PTPRM: variants seen among roughly 807,000 people sequenced by gnomAD.
The protein encoded by PTPRM is receptor-type tyrosine-protein phosphatase mu.
Under a neutral mutation model 186.7 loss-of-function variants are expected in PTPRM, and 47 were observed. The observed-to-expected ratio is 0.25, with a 90% CI of 0.20 to 0.32. The LOEUF is 0.32. Ranked by LOEUF, PTPRM falls within the 10% of genes least tolerant of loss-of-function variation. PTPRM has a pLI of 1.00. For synonymous variants in PTPRM, 668 were observed against 674.9 expected (o/e 0.99, Z 0.16); for missense variants, 1,494 against 1,865.0 (o/e 0.80, Z 3.66).
intron 1 of PTPRM, among the ~76,000 whole-genome samples, chr18:7,737,370 C>T (rs1231533863): frequency 6.6e-6 from 1 of 152,226 alleles, no homozygotes; most frequent in Non-Finnish European, 1.5e-5. Context: ...GCTGGGATTA[C>T]AGGCATGAGC....
chr18:7,972,478 T>TAAAAAAAAAAAAAAAAAGA (rs1491072208), intron 7 of PTPRM, among the ~76,000 whole-genome samples: 1 of 8,132 alleles, frequency 1.2e-4, no homozygotes, highest in African/African-American at 3.3e-4. Context: ...AAAAAAAACA[T>TAAAAAAAAAAAAAAAAAGA]TAAAAAAAAA....
At chr18:7,697,233 G>A (rs530612325) in intron 1 of PTPRM, among the ~76,000 whole-genome samples, 14 of 152,316 alleles carry the variant, frequency 9.2e-5, no homozygotes, top group Middle Eastern at 6.8e-3. Context: ...GCTCGATGAA[G>A]CAGTTTGCTG....
At chr18:7,705,085 A>C in intron 1 of PTPRM, among the ~76,000 whole-genome samples, 1 of 152,126 alleles carries the variant, frequency 6.6e-6, no homozygotes, top group East Asian at 1.9e-4. Flanking sequence ...GGGTGAAATA[A>C]ATTGTTAAAT....
intron 14 of PTPRM, among the ~76,000 whole-genome samples, chr18:8,238,786 A>G (rs2094381170): frequency 6.9e-6 from 1 of 145,974 alleles, no homozygotes; most frequent in Non-Finnish European, 1.5e-5. Context: ...CTGTAGTCAT[A>G]TGATTAGGTC....
chr18:8,072,295 A>C (rs2089530438), intron 8 of PTPRM, among the ~76,000 whole-genome samples: 1 of 152,204 alleles, frequency 6.6e-6, no homozygotes, highest in Non-Finnish European at 1.5e-5. Flanking sequence ...GCATGAACCT[A>C]TTGAACACTA....
At chr18:7,943,260 T>C (rs2146978919) in intron 5 of PTPRM, among the ~76,000 whole-genome samples, 1 of 152,264 alleles carries the variant, frequency 6.6e-6, no homozygotes, top group African/African-American at 2.4e-5. Flanking sequence ...TTCTGTTTTG[T>C]TATCCCACTG....
rs777723980 is a variant in PTPRM at position 8,113,629 on chromosome 18, C to T, written c.2000C>T (p.Ala667Val). Residue 667 changes from alanine (A) to valine (V), a missense_variant, in exon 12 of 33, where the codon GCA becomes GTA. This residue lies in a region of PTPRM where 1,107 missense variants were observed against 1,350.2 expected (regional missense o/e 0.82). Coordinates refer to ENST00000580170, the MANE Select transcript of PTPRM (RefSeq NM_001105244.2). ...SQYYFAAEFPADSLQAAQPFT... is the reference protein window; with the variant it reads ...SQYYFAAEFPVDSLQAAQPFT... Reference sequence around the variant, plus strand: ...TACTACTTTGCTGCAGAATTTCCTGCAGACAGCCTCCAAGCTGCGCAGCCT... The same window carrying T: ...TACTACTTTGCTGCAGAATTTCCTGTAGACAGCCTCCAAGCTGCGCAGCCT... The T allele has an allele frequency of 6.2e-7, 1 of 1,614,158 alleles. No homozygotes were observed. The highest frequency in any genetic ancestry group is 1.1e-5 in the South Asian group (1 of 91,084).
intron 7 of PTPRM, among the ~76,000 whole-genome samples, chr18:8,041,619 T>A (rs1354655828): frequency 6.6e-6 from 1 of 152,198 alleles, no homozygotes; most frequent in African/African-American, 2.4e-5. Flanking sequence ...TATGATTAAG[T>A]CCACTTGTGG....
At chr18:8,022,114 T>C (rs945491139) in intron 7 of PTPRM, among the ~76,000 whole-genome samples, 3 of 152,178 alleles carry the variant, frequency 2.0e-5, no homozygotes, top group African/African-American at 7.2e-5. Context: ...AAGCCTATCT[T>C]AAGCCAGTTC....
chr18:8,360,407 C>G (rs1449734927), intron 23 of PTPRM, among the ~76,000 whole-genome samples: 1 of 152,230 alleles, frequency 6.6e-6, no homozygotes, highest in East Asian at 1.9e-4. Flanking sequence ...CAAAAAAAAC[C>G]CTTCATACCC....
At chr18:8,129,722 A>G (rs1253642163) in intron 13 of PTPRM, among the ~76,000 whole-genome samples, 1 of 152,232 alleles carries the variant, frequency 6.6e-6, no homozygotes, top group Non-Finnish European at 1.5e-5. Context: ...AGATCCATTC[A>G]GAATGGAAAG....
At chr18:8,217,892 G>T (rs1438228040) in intron 14 of PTPRM, among the ~76,000 whole-genome samples, 3 of 151,900 alleles carry the variant, frequency 2.0e-5, no homozygotes, top group Non-Finnish European at 4.4e-5. Context: ...CATTAACATG[G>T]TATCAGGGAT....
chr18:8,209,558 A>G (rs1472951450), intron 14 of PTPRM, among the ~76,000 whole-genome samples: 1 of 152,138 alleles, frequency 6.6e-6, no homozygotes, highest in Non-Finnish European at 1.5e-5. Flanking sequence ...AATGTCTCTG[A>G]CATCTGTGAT....
chr18:8,284,008 G>A (rs1424205456), intron 19 of PTPRM, among the ~76,000 whole-genome samples: 2 of 152,100 alleles, frequency 1.3e-5, no homozygotes, highest in African/African-American at 4.8e-5. Context: ...GTTTGAGCCT[G>A]CATTTTTTTC....
At chr18:8,101,911 CTTTA>C (rs2091308207) in intron 11 of PTPRM, among the ~76,000 whole-genome samples, 1 of 152,126 alleles carries the variant, frequency 6.6e-6, no homozygotes. Flanking sequence ...AATTAATATC[CTTTA>C]TTTATTGTCT....
At chr18:7,704,073 G>A (rs541207920) in intron 1 of PTPRM, among the ~76,000 whole-genome samples, 14 of 152,192 alleles carry the variant, frequency 9.2e-5, no homozygotes, top group African/African-American at 1.7e-4. Context: ...GATTTGCTTC[G>A]TCAGTATTTT....
chr18:7,948,828 T>C (rs2052732860), intron 5 of PTPRM, among the ~76,000 whole-genome samples: 1 of 152,208 alleles, frequency 6.6e-6, no homozygotes, highest in South Asian at 2.1e-4. Flanking sequence ...TAGTCAAGCA[T>C]ACAAATAAGA....
intron 19 of PTPRM, among the ~76,000 whole-genome samples, chr18:8,277,358 AC>A (rs2094848585): frequency 6.6e-6 from 1 of 152,160 alleles, no homozygotes; most frequent in African/African-American, 2.4e-5. Flanking sequence ...TGTTTGTATA[AC>A]TTTGACTAGT....
intron 4 of PTPRM, among the ~76,000 whole-genome samples, chr18:7,918,020 T>C (rs1034580420): frequency 3.9e-5 from 6 of 152,150 alleles, no homozygotes; most frequent in Non-Finnish European, 5.9e-5. Context: ...GATTTCATGC[T>C]TTTTTGTGGC....
Sources: allele counts gnomAD v4.1 joint callset (sites outside exome capture counted in the v4.1 genomes callset), GRCh38; gene constraint gnomAD v4.1.1; regional missense constraint gnomAD v4.1.1; transcripts MANE v1.5; gene names NCBI Gene and HGNC (gene_info 2026-07-23, HGNC 2026-07-21).